VPS13B: variants seen among roughly 807,000 people sequenced by gnomAD.
VPS13B encodes the protein vacuolar protein sorting 13 homolog B, also known as intermembrane lipid transfer protein VPS13B.
Under a neutral mutation model 426.4 loss-of-function variants are expected in VPS13B, and 285 were observed. That is an observed-to-expected ratio of 0.67 (90% confidence interval 0.61 to 0.74). VPS13B has a LOEUF of 0.74. VPS13B is among the 30% of genes least tolerant of loss of function. The pLI, the probability that VPS13B is intolerant of heterozygous loss-of-function variation, is 0.00. For synonymous variants in VPS13B, 1,676 were observed against 1,676.4 expected, an observed-to-expected ratio of 1.00 and a Z score of 0.01; for missense variants, 4,537 against 4,782.6, an observed-to-expected ratio of 0.95 and a Z score of 1.51.
rs774202116 is a variant in VPS13B, at chr8:99,818,705, T to C, written c.8446-8T>C. On this transcript the variant is annotated splice_region_variant and splice_polypyrimidine_tract_variant and intron_variant, in intron 46 of 61. Transcript: ENST00000357162. ...TATGAAAGTTGTTCTATCCTTTTAT[T>C]TTTATAGATTGTGTTCAGCCCTCTT... 6.2e-7 allele frequency: 1 copy of C among 1,613,596 alleles called. No individual in the cohort carries two copies.
At position 99,457,526 on chromosome 8, in the gene VPS13B, TA is replaced by T. The variant is rs559979893; in HGVS notation, c.3446-9886del. The stretch of plus-strand genomic sequence containing the variant: ...TTAAGCTAAAGGATTGTCAGTTTGA[TA>T]ATCTGTTAGAAATAATTTTTAATTT... On this transcript the variant is annotated intron_variant, in intron 23 of 61. Coordinates refer to ENST00000357162, the MANE Select transcript of VPS13B (RefSeq NM_152564.5). Among the ~76,000 whole-genome samples, 12 of 152,368 alleles carry T rather than the reference TA, an allele frequency of 7.9e-5. No homozygotes were observed. In the South Asian group the frequency reaches 2.5e-3, roughly 32 times the overall value.
In VPS13B at chr8:99,610,493, A is replaced by C. The variant is rs148296865; in HGVS notation, c.5221-31318A>C. Among the ~76,000 whole-genome samples, 951 of 152,232 alleles carry C rather than the reference A, an allele frequency of 6.2e-3. 8 individuals carry two copies. Among genetic ancestry groups the C allele is most frequent in the African/African-American group, 0.022 (893 of 41,520 alleles). On this transcript the variant is annotated intron_variant, in intron 33 of 61. Transcript: ENST00000357162. ...TCAGCAAACTAACACAGGAACAGAA[A>C]ACCAGACACTGCATGTTCTCAGTCA... is the stretch of plus-strand genomic sequence containing the variant.
intron 8 of VPS13B, among the ~76,000 whole-genome samples, chr8:99,131,061 G>A (rs763480780): frequency 9.2e-5 from 14 of 152,144 alleles, no homozygotes; most frequent in Non-Finnish European, 2.1e-4. Context: ...TATCTATGTC[G>A]TAAGAATGAG....
intron 19 of VPS13B, among the ~76,000 whole-genome samples, chr8:99,335,644 C>A (rs1199847440): frequency 6.6e-6 from 1 of 152,104 alleles, no homozygotes; most frequent in Admixed American, 6.6e-5. Flanking sequence ...TCTCCTTAAG[C>A]TGATAAGCAA....
chr8:99,502,892 G>A lies in VPS13B; in HGVS notation c.4099G>A (p.Val1367Ile). The change falls in exon 27 of 62, where the codon GTA (valine) becomes ATA (isoleucine). Residue 1367 changes from valine (V) to isoleucine (I), a missense_variant. Transcript: ENST00000357162. ...CAGTGCTTCCATAGATGTCCAGGAT[G>A]TATATACCAAAGTGAAATGTAAAAT... ...DLSASIDVQD[V>I]YTKVKCKIES... The A allele has an allele frequency of 1.2e-6, 2 of 1,613,490 alleles. No homozygotes were observed. The highest frequency in any genetic ancestry group is 1.7e-6 in the Non-Finnish European group (2 of 1,179,688).
rs554773461 is a variant in VPS13B at position 99,101,930 on chromosome 8, T to A, written c.413-1023T>A. On this transcript the variant is annotated intron_variant, in intron 4 of 61. Transcript: ENST00000357162. ...TTAATTACCTTTTAAATAGTTTTCT[T>A]TAATAGTGGAAATGCATTACCTTTT... is the stretch of plus-strand genomic sequence containing the variant. 7.8e-4 allele frequency among the ~76,000 whole-genome samples: 119 copies of A among 152,348 alleles called. 2 individuals are homozygous for A. In the South Asian group the frequency reaches 0.012, roughly 15 times the overall value.
intron 19 of VPS13B, among the ~76,000 whole-genome samples, chr8:99,323,772 G>C (rs1810103966): frequency 6.6e-6 from 1 of 152,148 alleles, no homozygotes; most frequent in Non-Finnish European, 1.5e-5. Context: ...TAAATAATTA[G>C]CTTGCATTTT....
Position 99,854,219 on chromosome 8 carries a change from G to A in VPS13B, c.10830G>A (p.Leu3610=). The A allele has an allele frequency of 6.2e-7, 1 of 1,614,050 alleles. No homozygotes were observed. The highest frequency in any genetic ancestry group is 8.5e-7 in the Non-Finnish European group (1 of 1,180,022). Residue 3610 remains leucine (L), a synonymous_variant, in exon 56 of 62, where the codon CTG becomes CTA. Transcript: ENST00000357162. ...FTTARQLVHA[L]AMHYAAGALF... The stretch of plus-strand genomic sequence containing the variant: ...CTGCGAGGCAGCTTGTGCACGCCCT[G>A]GCAATGCACTATGCCGCTGGGGCCC...
chr8:99,460,265 A>G (rs774211883), intron 23 of VPS13B, among the ~76,000 whole-genome samples: 23 of 152,058 alleles, frequency 1.5e-4, no homozygotes, highest in South Asian at 6.2e-4. Flanking sequence ...TATATTTTCA[A>G]TGGTGGCTCT....
chr8:99,339,205 G>C (rs1238272138), intron 19 of VPS13B, among the ~76,000 whole-genome samples: 1 of 152,112 alleles, frequency 6.6e-6, no homozygotes, highest in Non-Finnish European at 1.5e-5. Flanking sequence ...GTTTGGAAGA[G>C]TTTTTGTATT....
chr8:99,782,116 T>C (rs1812052174), intron 42 of VPS13B, among the ~76,000 whole-genome samples: 1 of 152,308 alleles, frequency 6.6e-6, no homozygotes, highest in African/African-American at 2.4e-5. Flanking sequence ...ATAGTAGTTA[T>C]TGCTGAGTTT....
intron 27 of VPS13B, among the ~76,000 whole-genome samples, chr8:99,506,919 A>C (rs1241222808): frequency 6.6e-6 from 1 of 152,260 alleles, no homozygotes; most frequent in Non-Finnish European, 1.5e-5. Context: ...ATAATCAGCC[A>C]AATAAATACA....
intron 3 of VPS13B, among the ~76,000 whole-genome samples, chr8:99,068,044 T>TA (rs1448735652): frequency 6.6e-6 from 1 of 152,218 alleles, no homozygotes; most frequent in Non-Finnish European, 1.5e-5. Flanking sequence ...ATGTAGCTCT[T>TA]ACGTGTATTA....
intron 25 of VPS13B, among the ~76,000 whole-genome samples, chr8:99,484,762 G>A (rs1291022264): frequency 1.3e-5 from 2 of 151,684 alleles, no homozygotes; most frequent in Admixed American, 6.6e-5. Flanking sequence ...CCTCCTTATA[G>A]GTTGCAAGGT....
At chr8:99,304,321 G>C (rs1031545990) in intron 19 of VPS13B, among the ~76,000 whole-genome samples, 1 of 151,878 alleles carries the variant, frequency 6.6e-6, no homozygotes, top group Admixed American at 6.6e-5. Context: ...CCCTATGAGA[G>C]GATAATCAGG....
intron 17 of VPS13B, among the ~76,000 whole-genome samples, chr8:99,213,014 AT>A (rs1393942222): frequency 1.3e-5 from 2 of 152,138 alleles, no homozygotes; most frequent in African/African-American, 4.8e-5. Context: ...ATTTAAGCAG[AT>A]TTGATTATTT....
At chr8:99,151,489 T>G (rs982001615) in intron 14 of VPS13B, among the ~76,000 whole-genome samples, 3 of 152,170 alleles carry the variant, frequency 2.0e-5, no homozygotes, top group Non-Finnish European at 4.4e-5. Flanking sequence ...TTGGTCCATT[T>G]CATCTAGGTT....
intron 31 of VPS13B, among the ~76,000 whole-genome samples, chr8:99,562,048 G>A (rs1824950586): frequency 6.6e-6 from 1 of 152,066 alleles, no homozygotes; most frequent in Admixed American, 6.5e-5. Context: ...ATGTTTGAGG[G>A]TTCGTTTCTC....
At chr8:99,211,521 G>T (rs1815088695) in intron 17 of VPS13B, among the ~76,000 whole-genome samples, 2 of 152,150 alleles carry the variant, frequency 1.3e-5, no homozygotes, top group Non-Finnish European at 2.9e-5. Flanking sequence ...CTAGATTTTG[G>T]AAAGGAGAGT....
Sources: gnomAD v4.1 joint callset for allele counts (sites outside exome capture counted in the v4.1 genomes callset) on GRCh38, gnomAD v4.1.1 for gene constraint, MANE v1.5 for transcripts, NCBI Gene and HGNC (gene_info 2026-07-23, HGNC 2026-07-21) for gene names.